The following NUBP1 variants were observed in gnomAD, a reference collection of about 807,000 sequenced individuals.
The protein encoded by NUBP1 is NUBP iron-sulfur cluster assembly factor 1, cytosolic, also known as cytosolic Fe-S cluster assembly factor NUBP1.
Under a neutral mutation model 41.8 loss-of-function variants are expected in NUBP1, and 46 were observed. The observed-to-expected ratio is 1.10, with a 90% CI of 0.87 to 1.41. The LOEUF is 1.41. NUBP1 is among the 40% of genes most tolerant of loss of function. The pLI is 0.00. For synonymous variants in NUBP1, 189 were observed against 154.6 expected, an observed-to-expected ratio of 1.22 and a Z score of -1.65; for missense variants, 494 against 414.0, an observed-to-expected ratio of 1.19 and a Z score of -1.68.
chr16:10,755,635 C>T, intron 4 of NUBP1, 86 bp from the exon 5 acceptor site: 1 of 1,366,544 alleles, frequency 7.3e-7, no homozygotes, highest in Non-Finnish European at 1.0e-6. Context: ...AAACCATCGT[C>T]TTACTTTGTA....
At chr16:10,752,942 G>A (rs1418406932) in intron 4 of NUBP1, among the ~76,000 whole-genome samples, 1 of 152,132 alleles carries the variant, frequency 6.6e-6, no homozygotes, top group Non-Finnish European at 1.5e-5. Context: ...CTACAGTGGT[G>A]TGCCATCATG....
Position 10,743,852 on chromosome 16 carries a change from A to C in NUBP1, c.-12A>C. ...GGGTTCCGGTGACCACGAAGGCGGC[A>C]AAGGCGACGGAATGGAGGAGGTGCC... On this transcript the variant is annotated 5_prime_UTR_variant, in exon 1 of 11. Transcript: ENST00000283027. 6.4e-7 allele frequency: 1 copy of C among 1,561,638 alleles called. No individual in the cohort carries two copies.
rs896009488 is a variant in NUBP1, at chr16:10,749,393, C to T, written c.258+2117C>T. Among the ~76,000 whole-genome samples the T allele has an allele frequency of 1.3e-5, 2 of 152,206 alleles. No individual in the cohort carries two copies. The highest frequency in any genetic ancestry group is 1.3e-4 in the Admixed American group (2 of 15,274). On this transcript the variant is annotated intron_variant, in intron 3 of 10. Coordinates refer to ENST00000283027, the MANE Select transcript of NUBP1 (RefSeq NM_002484.4). This position sits in a 1 kb window ranked among gnomAD's most constrained non-coding sequence, Gnocchi z 4.1. ...CCACTTGTGAGTAGACAACTGTTTA[C>T]ATCCTTCACTTTCATGTAATTACGT... is the stretch of plus-strand genomic sequence containing the variant.
Position 10,768,136 on chromosome 16 carries a change from AC to A in NUBP1, c.904+106del. 1.9e-6 allele frequency: 2 copies of A among 1,027,672 alleles called. No individual in the cohort carries two copies. Among genetic ancestry groups the A allele is most frequent in the Non-Finnish European group, 3.0e-6 (2 of 677,102 alleles). The allele number at this position is 1,027,672 out of a possible 1,614,324, so 63.7% of individuals were successfully genotyped here. On this transcript the variant is annotated intron_variant, in intron 10 of 10. Coordinates refer to ENST00000283027, the MANE Select transcript of NUBP1 (RefSeq NM_002484.4). This position sits in a 1 kb window ranked among gnomAD's most constrained non-coding sequence, Gnocchi z 4.3. ...CAGGTGGGTGGTGGGGTCTGTGATG[AC>A]CACAGAGTGGCCCCCATAGCCGAGG...
At chr16:10,747,549 C>A (rs1209066412) in intron 3 of NUBP1, among the ~76,000 whole-genome samples, 2 of 152,190 alleles carry the variant, frequency 1.3e-5, no homozygotes, top group Non-Finnish European at 2.9e-5. Flanking sequence ...CCATGAGAAT[C>A]GCTTGAGCCC....
intron 7 of NUBP1, among the ~76,000 whole-genome samples, chr16:10,758,450 G>A (rs1319860468): frequency 1.3e-5 from 2 of 152,204 alleles, no homozygotes; most frequent in South Asian, 2.1e-4. Context: ...TCCAGCCAGC[G>A]CAAGCGAGTG....
intron 4 of NUBP1, among the ~76,000 whole-genome samples, chr16:10,753,069 C>T (rs939474155): frequency 2.0e-5 from 3 of 152,204 alleles, no homozygotes; most frequent in African/African-American, 7.2e-5. Context: ...GCTAGGATTA[C>T]AGGCGTGAGC....
chr16:10,747,063 G>C, intron 2 of NUBP1, 80 bp from the exon 3 acceptor site: 1 of 1,559,288 alleles, frequency 6.4e-7, no homozygotes, highest in South Asian at 1.2e-5. Context: ...CTAGGACTTA[G>C]CTCTTTCTAG....
intron 5 of NUBP1, among the ~76,000 whole-genome samples, chr16:10,756,224 C>G (rs919446379): frequency 1.3e-5 from 2 of 152,038 alleles, no homozygotes; most frequent in African/African-American, 4.8e-5. Flanking sequence ...ACTAAAGATA[C>G]AAAAATTAGC....
In NUBP1 at chr16:10,761,488, G is replaced by C. The variant is rs570096517; in HGVS notation, c.717+14G>C. ...CCTAAGTGCAAGGTGAGGGCGCGTG[G>C]GGCTGCCAGGCGAGCAAGATCTTGC... On this transcript the variant is annotated intron_variant, in intron 8 of 10. Coordinates refer to ENST00000283027, the MANE Select transcript of NUBP1 (RefSeq NM_002484.4). 2.5e-6 allele frequency: 4 copies of C among 1,603,918 alleles called. No individual in the cohort carries two copies. Among genetic ancestry groups the C allele is most frequent in the African/African-American group, 2.7e-5 (2 of 74,804 alleles).
intron 9 of NUBP1, among the ~76,000 whole-genome samples, chr16:10,762,723 C>T (rs1357438909): frequency 6.6e-6 from 1 of 151,806 alleles, no homozygotes; most frequent in Admixed American, 6.6e-5. Flanking sequence ...GTCAGGGAAC[C>T]AAGGCCAGTG....
At chr16:10,751,710 T>A (rs996288065) in intron 3 of NUBP1, among the ~76,000 whole-genome samples, 1 of 152,086 alleles carries the variant, frequency 6.6e-6, no homozygotes, top group Non-Finnish European at 1.5e-5. Flanking sequence ...TGCACCTGAG[T>A]CACAACTAAA....
chr16:10,747,340 A>C (rs1245517472), intron 3 of NUBP1, 64 bp downstream of exon 3: 40 of 1,588,956 alleles, frequency 2.5e-5, no homozygotes, highest in Non-Finnish European at 3.1e-5. Flanking sequence ...GCTACTAAAT[A>C]ACTGATTCCT....
At chr16:10,756,992 T>G (rs1900604812) in intron 6 of NUBP1, among the ~76,000 whole-genome samples, 1 of 152,196 alleles carries the variant, frequency 6.6e-6, no homozygotes, top group African/African-American at 2.4e-5. Flanking sequence ...TGTGAGTTTT[T>G]CTCTCCTTAA....
intron 2 of NUBP1, 30 bp downstream of exon 2, chr16:10,744,095 C>A: frequency 7.0e-7 from 1 of 1,425,660 alleles, no homozygotes; most frequent in Non-Finnish European, 9.3e-7. Flanking sequence ...TCAACAGGAA[C>A]TTAGAGGCGC....
At position 10,749,128 on chromosome 16, in the gene NUBP1, C is replaced by CACACAG. The variant is rs1555472544; in HGVS notation, c.258+1857_258+1858insGACACA. ...ATATAGATAGATACACAGACACATA[C>CACACAG]ACACACACACACACACACACACACA... On this transcript the variant is annotated intron_variant, in intron 3 of 10. Transcript: ENST00000283027. The surrounding 1 kb of genome is among the most constrained non-coding windows in gnomAD (Gnocchi z 4.1). Among the ~76,000 whole-genome samples the CACACAG allele has an allele frequency of 0.021, 1,258 of 59,650 alleles. 20 individuals are homozygous for CACACAG. The highest frequency in any genetic ancestry group is 0.038 in the Admixed American group (146 of 3,822). 39.1% of individuals were successfully genotyped at this position (59,650 alleles called of 152,430 possible). A position where few individuals can be genotyped will look rare whatever the true frequency, so the allele number is the denominator to read the frequency against.
At position 10,767,886 on chromosome 16, in the gene NUBP1, G is replaced by A; in HGVS notation, c.821-63G>A. 1 of 1,466,254 alleles carries A rather than the reference G, an allele frequency of 6.8e-7. No individual in the cohort carries two copies. The highest frequency in any genetic ancestry group is 1.1e-5 in the South Asian group (1 of 88,038). 90.8% of individuals were successfully genotyped at this position (1,466,254 alleles called of 1,614,324 possible). A position where few individuals can be genotyped will look rare whatever the true frequency, so the allele number is the denominator to read the frequency against. On this transcript the variant is annotated intron_variant, in intron 9 of 10. Transcript: ENST00000283027. This position sits in a 1 kb window ranked among gnomAD's most constrained non-coding sequence, Gnocchi z 4.6. ...GTCACCAGCACGGAAAGAGCCCCAA[G>A]ATCTTGTGGCCATTCTGTTTTCCTC...
Position 10,757,731 on chromosome 16 carries a change from G to A in NUBP1, c.452-142G>A. On this transcript the variant is annotated intron_variant, in intron 6 of 10. Transcript: ENST00000283027. The surrounding 1 kb of genome is among the most constrained non-coding windows in gnomAD (Gnocchi z 4.1). ...TAGTCCTAGTTACTTGGGAGGCTGA[G>A]GTGGGAGGATTGCTTGAGCCTCAGA... 1 of 936,238 alleles carries A rather than the reference G, an allele frequency of 1.1e-6. No homozygotes were observed. Among genetic ancestry groups the A allele is most frequent in the South Asian group, 1.6e-5 (1 of 63,510 alleles). The allele number at this position is 936,238 out of a possible 1,614,324, so 58.0% of individuals were successfully genotyped here.
In NUBP1 at chr16:10,753,514, A is replaced by C. The variant is rs374634463; in HGVS notation, c.327+836A>C. Among the ~76,000 whole-genome samples, 8 of 152,066 alleles carry C rather than the reference A, an allele frequency of 5.3e-5. 1 individual carries two copies. The highest frequency in any genetic ancestry group is 3.3e-4 in the Admixed American group (5 of 15,264). ...GAGAGGATTCCCCCAAGGGCAGTGC[A>C]TGGAAGCTGGGGCTGGGGGTGCTGG... On this transcript the variant is annotated intron_variant, in intron 4 of 10. Coordinates refer to ENST00000283027, the MANE Select transcript of NUBP1 (RefSeq NM_002484.4).
Sources: gnomAD v4.1 joint callset for allele counts (sites outside exome capture counted in the v4.1 genomes callset) on GRCh38, gnomAD v4.1.1 for gene constraint, Gnocchi (gnomAD v3.1) non-coding constraint, MANE v1.5 for transcripts, NCBI Gene and HGNC (gene_info 2026-07-23, HGNC 2026-07-21) for gene names.